The following ENTREP1 variants were observed in gnomAD, a reference collection of about 807,000 sequenced individuals.
The protein encoded by ENTREP1 is endosomal transmembrane epsin interactor 1, also known as Friedreich ataxia region gene X123.
At chr9:69,338,662 G>C in the ENTREP1 span, among the ~76,000 whole-genome samples, 1 of 152,250 alleles carries the variant, frequency 6.6e-6, no homozygotes, top group East Asian at 1.9e-4. Flanking sequence ...GTTGTAACCA[G>C]TGTGTACATA....
the ENTREP1 span, among the ~76,000 whole-genome samples, chr9:69,328,570 C>CA: frequency 6.6e-6 from 1 of 152,036 alleles, no homozygotes; most frequent in Admixed American, 6.6e-5. Flanking sequence ...ATCACAACTT[C>CA]AGCCATTAGT....
At chr9:69,343,920 A>T in the ENTREP1 span, among the ~76,000 whole-genome samples, 7 of 152,206 alleles carry the variant, frequency 4.6e-5, no homozygotes, top group Non-Finnish European at 7.3e-5. Context: ...AGCTTGGACC[A>T]ACCAATGTAT....
chr9:69,367,768 T>C, the ENTREP1 span, among the ~76,000 whole-genome samples: 8 of 106,904 alleles, frequency 7.5e-5, no homozygotes, highest in African/African-American at 2.8e-4. Flanking sequence ...TATATACACA[T>C]ATATATAAAT....
the ENTREP1 span, among the ~76,000 whole-genome samples, chr9:69,354,110 C>A: frequency 6.6e-6 from 1 of 152,006 alleles, no homozygotes; most frequent in Admixed American, 6.6e-5. Context: ...ATTTGTCAGG[C>A]TCATCAAGTA....
the ENTREP1 span, among the ~76,000 whole-genome samples, chr9:69,333,548 G>A: frequency 6.6e-6 from 1 of 151,998 alleles, no homozygotes; most frequent in Non-Finnish European, 1.5e-5. Context: ...CAAGTATTCC[G>A]CCTGCCTTGG....
the ENTREP1 span, among the ~76,000 whole-genome samples, chr9:69,347,566 AT>A: frequency 6.6e-6 from 1 of 152,238 alleles, no homozygotes; most frequent in Non-Finnish European, 1.5e-5. Context: ...AGAAGCTTAC[AT>A]TCAAATGAAG....
the ENTREP1 span, among the ~76,000 whole-genome samples, chr9:69,340,789 A>G: frequency 1.2e-4 from 15 of 126,764 alleles, no homozygotes; most frequent in African/African-American, 2.8e-4. Context: ...GTGTGTGTGC[A>G]TGTGTGTGTG....
the ENTREP1 span, among the ~76,000 whole-genome samples, chr9:69,340,767 G>GTGTGTGTATA: frequency 7.8e-6 from 1 of 128,696 alleles, no homozygotes; most frequent in Non-Finnish European, 1.6e-5. Flanking sequence ...GCGTGCATGT[G>GTGTGTGTATA]TGTGTGTGTA....
the ENTREP1 span, chr9:69,385,824 G>C: frequency 6.8e-7 from 1 of 1,464,654 alleles, no homozygotes; most frequent in Non-Finnish European, 9.1e-7. Context: ...ACCTGCCGAA[G>C]AAAATGCATC....
chr9:69,353,972 G>A, the ENTREP1 span, among the ~76,000 whole-genome samples: 2 of 151,972 alleles, frequency 1.3e-5, no homozygotes, highest in Admixed American at 1.3e-4. Context: ...ATCAACACAC[G>A]TCCAGACTTG....
the ENTREP1 span, chr9:69,325,305 C>A: frequency 8.5e-7 from 1 of 1,181,566 alleles, no homozygotes; most frequent in East Asian, 3.6e-5. Flanking sequence ...CTTCCCCGTC[C>A]GTCCATGTCC....
At chr9:69,378,158 A>G in the ENTREP1 span, among the ~76,000 whole-genome samples, 1 of 152,180 alleles carries the variant, frequency 6.6e-6, no homozygotes, top group Admixed American at 6.6e-5. Flanking sequence ...GGGAGATAAC[A>G]GCTGTAATTT....
At chr9:69,368,451 C>T in the ENTREP1 span, among the ~76,000 whole-genome samples, 2 of 152,132 alleles carry the variant, frequency 1.3e-5, no homozygotes, top group Non-Finnish European at 2.9e-5. Flanking sequence ...TGATGTATCA[C>T]ATTTATTGAT....
the ENTREP1 span, among the ~76,000 whole-genome samples, chr9:69,354,501 G>A: frequency 1.3e-5 from 2 of 152,056 alleles, no homozygotes; most frequent in Non-Finnish European, 2.9e-5. Flanking sequence ...CAGGTGATCC[G>A]CCTGCCTTGG....
the ENTREP1 span, chr9:69,385,850 T>C: frequency 6.2e-7 from 1 of 1,607,738 alleles, no homozygotes; most frequent in East Asian, 2.2e-5. Flanking sequence ...CAACTCCCAG[T>C]TCAACCCTGG....
chr9:69,375,767 G>T, the ENTREP1 span: 3 of 1,613,768 alleles, frequency 1.9e-6, no homozygotes, highest in Non-Finnish European at 1.7e-6. Flanking sequence ...ATTTGCTTCT[G>T]TTGTGAAGAA....
the ENTREP1 span, among the ~76,000 whole-genome samples, chr9:69,362,523 C>G: frequency 6.6e-6 from 1 of 152,106 alleles, no homozygotes; most frequent in Non-Finnish European, 1.5e-5. Flanking sequence ...ATAAAGGCAC[C>G]TGGTATAAAT....
the ENTREP1 span, chr9:69,375,836 C>A: frequency 6.2e-6 from 10 of 1,613,820 alleles, no homozygotes; most frequent in Non-Finnish European, 7.6e-6. Flanking sequence ...CCGGTTCAGC[C>A]CTGTAGTGCT....
chr9:69,366,287 C>T, the ENTREP1 span, among the ~76,000 whole-genome samples: 31 of 151,448 alleles, frequency 2.0e-4, no homozygotes, highest in African/African-American at 5.6e-4. Context: ...TGATGTTGTG[C>T]GCTTTTTCAC....
Sources: gnomAD v4.1 joint callset for allele counts (sites outside exome capture counted in the v4.1 genomes callset) on GRCh38, gnomAD v4.1.1 for gene constraint, MANE v1.5 for transcripts, NCBI Gene and HGNC (gene_info 2026-07-23, HGNC 2026-07-21) for gene names.